COL12A1: variants seen among roughly 807,000 people sequenced by gnomAD.
COL12A1 encodes the protein collagen alpha-1(XII) chain.
Under a neutral mutation model 349.7 loss-of-function variants are expected in COL12A1, and 114 were observed. The observed-to-expected ratio is 0.33, with a 90% CI of 0.28 to 0.38. The LOEUF (loss-of-function observed/expected upper bound fraction) is 0.38. COL12A1 is among the 10% of genes least tolerant of loss of function. COL12A1 has a pLI of 1.00. For synonymous variants in COL12A1, 1,369 were observed against 1,329.0 expected, an observed-to-expected ratio of 1.03 and a Z score of -0.66; for missense variants, 3,284 against 3,756.9, an observed-to-expected ratio of 0.87 and a Z score of 3.29.
In COL12A1 at chr6:75,175,307, C is replaced by A; in HGVS notation, c.2441G>T (p.Arg814Ile). The change falls in exon 13 of 66, where the codon AGA (arginine) becomes ATA (isoleucine). Residue 814 changes from arginine to isoleucine, a missense_variant. Coordinates refer to ENST00000322507, the MANE Select transcript of COL12A1 (RefSeq NM_004370.6). The part of the protein sequence containing the change: ...LTGNAATEEV[R>I]GNPRDLRVSD... ...AACTCTTAAGTCTCTTGGATTCCCT[C>A]TAACTTCATTAAAAAATGACAACAT... 1 of 1,605,780 alleles carries A rather than the reference C, an allele frequency of 6.2e-7. No homozygotes were observed. Among genetic ancestry groups the A allele is most frequent in the Non-Finnish European group, 8.5e-7 (1 of 1,176,778 alleles).
chr6:75,203,924 T>C (rs1480657928), intron 1 of COL12A1, among the ~76,000 whole-genome samples: 1 of 152,230 alleles, frequency 6.6e-6, no homozygotes, highest in Non-Finnish European at 1.5e-5. Context: ...TGCGTCGGAA[T>C]GCAAAAATGA....
intron 25 of COL12A1, among the ~76,000 whole-genome samples, chr6:75,143,868 C>T (rs1310405336): frequency 6.6e-6 from 1 of 152,144 alleles, no homozygotes; most frequent in African/African-American, 2.4e-5. Flanking sequence ...TAAGAAAACC[C>T]AGACACCTAA....
At position 75,125,130 on chromosome 6, in the gene COL12A1, T is replaced by C. The variant is rs2149375402; in HGVS notation, c.6604A>G (p.Thr2202Ala). 1.9e-6 allele frequency: 3 copies of C among 1,596,766 alleles called. No homozygotes were observed. Among genetic ancestry groups the C allele is most frequent in the African/African-American group, 1.3e-5 (1 of 74,394 alleles). The change falls in exon 40 of 66, where the codon ACA becomes GCA. Residue 2202 changes from threonine to alanine, a missense_variant. Thr to Ala is a moderately conservative substitution (Grantham distance 58). Coordinates refer to ENST00000322507, the MANE Select transcript of COL12A1 (RefSeq NM_004370.6). ...CATGAAAATATCCATGACTCACATG[T>C]AGTGCCTTGATCTGTCAAGGGGACA... ...LSVPLTDQGT[T>A]LYLNVTDLKT...
At chr6:75,117,654 T>A in intron 46 of COL12A1, 108 bp from the exon 47 acceptor site, 1 of 1,196,490 alleles carries the variant, frequency 8.4e-7, no homozygotes, top group Non-Finnish European at 1.2e-6. Context: ...TTTCTTAATG[T>A]ATGCAGCAAG....
chr6:75,103,883 A>C, intron 54 of COL12A1, 73 bp from the exon 55 acceptor site: 1 of 1,211,066 alleles, frequency 8.3e-7, no homozygotes, highest in Non-Finnish European at 1.2e-6. Context: ...AAAGTCCTTC[A>C]AGAAAAAGTG....
Position 75,194,947 on chromosome 6 carries a change from A to G in COL12A1, c.74T>C (p.Val25Ala), listed in dbSNP as rs770874037. The G allele has an allele frequency of 1.8e-5, 27 of 1,537,944 alleles. No homozygotes were observed. The highest frequency in any genetic ancestry group is 1.9e-5 in the Non-Finnish European group (21 of 1,118,644). Residue 25 changes from valine to alanine, a missense_variant and splice_region_variant, in exon 3 of 66, where the codon GTT becomes GCT. Coordinates refer to ENST00000322507, the MANE Select transcript of COL12A1 (RefSeq NM_004370.6). ...AAAATTCAAGTCTGAAGGTGGGTCA[A>G]CTGCAAAAGAGAGAGTTTATATTAT... ...ALLLSSIEAEVDPPSDLNFKI... is the reference protein window; with the variant it reads ...ALLLSSIEAEADPPSDLNFKI...
At position 75,156,415 on chromosome 6, in the gene COL12A1, C is replaced by A. The variant is rs752304678; in HGVS notation, c.3092G>T (p.Arg1031Leu). 6.2e-7 allele frequency: 1 copy of A among 1,613,966 alleles called. No homozygotes were observed. Among genetic ancestry groups the A allele is most frequent in the African/African-American group, 1.3e-5 (1 of 75,040 alleles). ...GKVVNYRVVY[R>L]PHGRGKQMVA... is the part of the protein sequence containing the mutation. ...CATTTGCTTCCCTCTCCCATGAGGGCGATAGACAACACGGTAGTTGACGAC... is the reference window on the plus strand; with the variant it reads ...CATTTGCTTCCCTCTCCCATGAGGGAGATAGACAACACGGTAGTTGACGAC... Residue 1031 changes from arginine (R) to leucine (L), a missense_variant, in exon 15 of 66, where the codon CGC (arginine) becomes CTC (leucine). By Grantham distance (102) the Arg-to-Leu change is moderately radical (BLOSUM62 -2). Around this residue, in one of 2 missense-constraint regions of COL12A1, gnomAD observed 2,601 missense variants for 2,824.8 expected, o/e 0.92. Transcript: ENST00000322507.
chr6:75,133,247 A>T, intron 34 of COL12A1, 46 bp downstream of exon 34: 1 of 1,505,152 alleles, frequency 6.6e-7, no homozygotes, highest in Non-Finnish European at 8.9e-7. Flanking sequence ...TATAATGAAA[A>T]GCAACACTTA....
At chr6:75,115,530 A>G (rs1769032012) in intron 49 of COL12A1, among the ~76,000 whole-genome samples, 1 of 152,162 alleles carries the variant, frequency 6.6e-6, no homozygotes, top group Non-Finnish European at 1.5e-5. Context: ...TAAATTCAAA[A>G]GGGTCAGTAA....
chr6:75,182,027 C>T (rs560584050), intron 10 of COL12A1, among the ~76,000 whole-genome samples: 1 of 146,070 alleles, frequency 6.8e-6, no homozygotes, highest in Admixed American at 7.0e-5. Context: ...ACTGGGGAGG[C>T]AGATATTGCA....
intron 21 of COL12A1, among the ~76,000 whole-genome samples, chr6:75,150,781 T>C (rs1767440048): frequency 6.6e-6 from 1 of 152,118 alleles, no homozygotes; most frequent in Non-Finnish European, 1.5e-5. Context: ...CCCATTTATA[T>C]ATATGTTGTG....
intron 51 of COL12A1, among the ~76,000 whole-genome samples, chr6:75,111,434 T>A (rs576068198): frequency 6.6e-6 from 1 of 151,814 alleles, no homozygotes; most frequent in East Asian, 1.9e-4. Flanking sequence ...ACTACAGACC[T>A]CTAAAAAATA....
At position 75,205,845 on chromosome 6, in the gene COL12A1, C is replaced by G. The variant is rs1301303583; in HGVS notation, c.-104G>C. 6.4e-6 allele frequency: 1 copy of G among 155,614 alleles called. No individual in the cohort carries two copies. Among genetic ancestry groups the G allele is most frequent in the Non-Finnish European group, 1.4e-5 (1 of 70,834 alleles). 9.6% of individuals were successfully genotyped at this position (155,614 alleles called of 1,614,324 possible). On this transcript the variant is annotated 5_prime_UTR_variant, in exon 1 of 66. Coordinates refer to ENST00000322507, the MANE Select transcript of COL12A1 (RefSeq NM_004370.6). ...CTTCCCGGCGTCGGAGAAGCTGGTG[C>G]TCGGTGTGGCCCCCACACGCCCCGG...
At chr6:75,164,939 A>C (rs949713527) in intron 14 of COL12A1, among the ~76,000 whole-genome samples, 1 of 152,078 alleles carries the variant, frequency 6.6e-6, no homozygotes, top group African/African-American at 2.4e-5. Context: ...AATAAAATAA[A>C]AATAAAAATA....
intron 44 of COL12A1, among the ~76,000 whole-genome samples, chr6:75,120,918 C>G (rs1182469691): frequency 6.6e-6 from 1 of 152,150 alleles, no homozygotes; most frequent in Non-Finnish European, 1.5e-5. Context: ...CACACCCACT[C>G]CAGTCACTGT....
At chr6:75,146,023 A>C in intron 24 of COL12A1, 79 bp downstream of exon 24, 1 of 1,352,526 alleles carries the variant, frequency 7.4e-7, no homozygotes, top group Non-Finnish European at 9.8e-7. Context: ...TGAGTTTGTA[A>C]GTAACTGCAG....
intron 58 of COL12A1, 146 bp from the exon 59 acceptor site, chr6:75,097,452 C>CA (rs1291437311): frequency 2.0e-6 from 1 of 501,210 alleles, no homozygotes; most frequent in Non-Finnish European, 3.6e-6. Flanking sequence ...AATAAAAAGA[C>CA]AAACAGCAAA....
intron 13 of COL12A1, among the ~76,000 whole-genome samples, chr6:75,167,819 T>C (rs1471815334): frequency 6.6e-6 from 1 of 152,198 alleles, no homozygotes; most frequent in Non-Finnish European, 1.5e-5. Context: ...TAGAACAAAA[T>C]ACTAGTAAAA....
At chr6:75,204,421 G>T (rs1770673366) in intron 1 of COL12A1, among the ~76,000 whole-genome samples, 1 of 152,022 alleles carries the variant, frequency 6.6e-6, no homozygotes, top group South Asian at 2.1e-4. Flanking sequence ...GCCACCTGTC[G>T]CTTTCCCGAC....
Sources: gnomAD v4.1 joint callset for allele counts (sites outside exome capture counted in the v4.1 genomes callset) on GRCh38, gnomAD v4.1.1 for gene constraint, gnomAD v4.1.1 regional missense constraint, MANE v1.5 for transcripts, NCBI Gene and HGNC (gene_info 2026-07-23, HGNC 2026-07-21) for gene names.